MEIS2: variants seen among roughly 807,000 people sequenced by gnomAD.
MEIS2 encodes the protein homeobox protein Meis2.
MEIS2 carries 9 observed loss-of-function variants against 58.6 expected under a neutral mutation model. That is an observed-to-expected ratio of 0.15 (90% CI 0.09 to 0.27). MEIS2 has a LOEUF of 0.27. MEIS2 is among the 10% of genes least tolerant of loss of function. The probability of loss-of-function intolerance (pLI) is 1.00; values close to 1 mark genes in which losing one functional copy is unlikely to be tolerated. For synonymous variants in MEIS2, 221 were observed against 228.4 expected, an observed-to-expected ratio of 0.97 and a Z score of 0.29; for missense variants, 427 against 635.0, an observed-to-expected ratio of 0.67 and a Z score of 3.52.
chr15:37,046,116 T>TC (rs1231689829), intron 7 of MEIS2, among the ~76,000 whole-genome samples: 1 of 152,214 alleles, frequency 6.6e-6, no homozygotes, highest in East Asian at 1.9e-4. Context: ...TTTGTTATCC[T>TC]CCCTCTATTT....
chr15:36,916,186 G>A (rs570314744), intron 9 of MEIS2, among the ~76,000 whole-genome samples: 11 of 151,386 alleles, frequency 7.3e-5, no homozygotes, highest in Non-Finnish European at 1.0e-4. Context: ...CTCGCACTTC[G>A]GAAGGCAAAG....
At chr15:36,909,993 C>T (rs954610323) in intron 9 of MEIS2, among the ~76,000 whole-genome samples, 5 of 152,014 alleles carry the variant, frequency 3.3e-5, no homozygotes, top group African/African-American at 7.2e-5. Flanking sequence ...GCTTGAGCCG[C>T]GCAGTTTGAG....
chr15:36,894,922 GA>G, intron 11 of MEIS2: 1 of 1,046,364 alleles, frequency 9.6e-7, no homozygotes, highest in Non-Finnish European at 1.5e-6. Context: ...GGTTTAAAAA[GA>G]AAAAAGAAAA....
chr15:37,060,575 A>T (rs1449372638), intron 7 of MEIS2, among the ~76,000 whole-genome samples: 2 of 152,214 alleles, frequency 1.3e-5, no homozygotes, highest in African/African-American at 4.8e-5. Flanking sequence ...AAGGTAATTG[A>T]AAATAAAAAA....
intron 8 of MEIS2, among the ~76,000 whole-genome samples, chr15:37,013,258 G>C (rs1263183947): frequency 1.3e-5 from 2 of 152,108 alleles, no homozygotes; most frequent in African/African-American, 4.8e-5. Flanking sequence ...CAGAAGAGCA[G>C]AAGAGAGGAG....
At chr15:37,083,970 C>A (rs1892575117) in intron 6 of MEIS2, 85 bp from the exon 7 acceptor site, 31 of 1,109,578 alleles carry the variant, frequency 2.8e-5, no homozygotes, top group Admixed American at 2.4e-4. Flanking sequence ...CAGAAAGAGA[C>A]AAAAAAATGT....
chr15:37,097,879 C>G (rs1894489249), intron 2 of MEIS2, 88 bp downstream of exon 2: 1 of 1,468,636 alleles, frequency 6.8e-7, no homozygotes, highest in East Asian at 2.4e-5. Flanking sequence ...TAACTCCCCA[C>G]TTAGTCGTCC....
intron 7 of MEIS2, among the ~76,000 whole-genome samples, chr15:37,067,075 C>A (rs1245042561): frequency 2.7e-5 from 4 of 150,148 alleles, no homozygotes; most frequent in Non-Finnish European, 5.9e-5. Flanking sequence ...CCATGCCCAG[C>A]CAGCAACTAA....
intron 9 of MEIS2, among the ~76,000 whole-genome samples, chr15:36,901,914 T>G (rs2056494400): frequency 6.6e-6 from 1 of 152,220 alleles, no homozygotes; most frequent in African/African-American, 2.4e-5. Flanking sequence ...GAGCATGCCC[T>G]TCTCCATTAT....
At chr15:37,013,712 C>T (rs941119937) in intron 8 of MEIS2, among the ~76,000 whole-genome samples, 22 of 151,698 alleles carry the variant, frequency 1.5e-4, no homozygotes, top group African/African-American at 5.3e-4. Context: ...AACTACCACT[C>T]CTTATAACAA....
chr15:36,960,725 G>A (rs2059151475), intron 8 of MEIS2, among the ~76,000 whole-genome samples: 1 of 152,046 alleles, frequency 6.6e-6, no homozygotes, highest in African/African-American at 2.4e-5. Context: ...CAAAACAGCT[G>A]ATATTTTTTC....
chr15:36,969,519 T>C (rs1158365663), intron 8 of MEIS2, among the ~76,000 whole-genome samples: 1 of 152,206 alleles, frequency 6.6e-6, no homozygotes, highest in African/African-American at 2.4e-5. Flanking sequence ...TCTTTAGTTA[T>C]TTAAAGGTAT....
intron 9 of MEIS2, among the ~76,000 whole-genome samples, chr15:36,935,017 C>T (rs769220806): frequency 2.0e-5 from 3 of 152,066 alleles, no homozygotes; most frequent in Non-Finnish European, 4.4e-5. Flanking sequence ...GTTTGACTCC[C>T]ATTGTAATTG....
At chr15:37,025,861 G>GT (rs2061684684) in intron 8 of MEIS2, among the ~76,000 whole-genome samples, 1 of 151,866 alleles carries the variant, frequency 6.6e-6, no homozygotes, top group South Asian at 2.1e-4. Flanking sequence ...ACATTTAAGT[G>GT]TTTTACTAGA....
chr15:37,046,353 T>A (rs1217097596), intron 7 of MEIS2, among the ~76,000 whole-genome samples: 1 of 151,982 alleles, frequency 6.6e-6, no homozygotes, highest in African/African-American at 2.4e-5. Context: ...GAGCTAACCT[T>A]CCAGAAGAGA....
intron 9 of MEIS2, among the ~76,000 whole-genome samples, chr15:36,920,721 A>G (rs1308828644): frequency 3.3e-5 from 5 of 152,212 alleles, no homozygotes; most frequent in African/African-American, 1.2e-4. Context: ...TTAGTGTATG[A>G]GAACTATACT....
chr15:36,978,058 T>C (rs1393055917), intron 8 of MEIS2, among the ~76,000 whole-genome samples: 1 of 152,228 alleles, frequency 6.6e-6, no homozygotes, highest in Non-Finnish European at 1.5e-5. Flanking sequence ...AGCAGTTATT[T>C]TCTGGTGAAA....
chr15:36,968,649 A>C (rs1169514819), intron 8 of MEIS2, among the ~76,000 whole-genome samples: 1 of 152,244 alleles, frequency 6.6e-6, no homozygotes, highest in Non-Finnish European at 1.5e-5. Context: ...GGATTTCTTA[A>C]GGAAGCTGAT....
chr15:37,097,912 A>G, intron 2 of MEIS2, 55 bp downstream of exon 2: 1 of 1,519,242 alleles, frequency 6.6e-7, no homozygotes, highest in Non-Finnish European at 8.9e-7. Context: ...CCACAGAGAC[A>G]AACACACACT....
Sources: allele counts gnomAD v4.1 joint callset (sites outside exome capture counted in the v4.1 genomes callset), GRCh38; gene constraint gnomAD v4.1.1; transcripts MANE v1.5; gene names NCBI Gene and HGNC (gene_info 2026-07-23, HGNC 2026-07-21).